REDIC1: variants seen among roughly 807,000 people sequenced by gnomAD.
REDIC1 encodes the protein regulator of DNA class I crossover intermediates 1.
At chr12:39,831,359 T>C in the REDIC1 span, among the ~76,000 whole-genome samples, 1 of 152,144 alleles carries the variant, frequency 6.6e-6, no homozygotes, top group East Asian at 1.9e-4. Context: ...CTGCTTATGT[T>C]GTCATTAAAG....
the REDIC1 span, among the ~76,000 whole-genome samples, chr12:39,732,666 A>G: frequency 6.6e-6 from 1 of 152,220 alleles, no homozygotes; most frequent in Non-Finnish European, 1.5e-5. Context: ...CAGTTTTCAA[A>G]ATAACCAGTA....
chr12:39,811,682 T>C, the REDIC1 span, among the ~76,000 whole-genome samples: 33 of 152,328 alleles, frequency 2.2e-4, no homozygotes, highest in Non-Finnish European at 3.7e-4. Flanking sequence ...TTAAGAATTG[T>C]ATGTCTTGAT....
At chr12:39,866,754 C>T in the REDIC1 span, among the ~76,000 whole-genome samples, 78,677 of 152,056 alleles carry the variant, frequency 0.52, 20,548 homozygotes, top group East Asian at 0.74. Context: ...GCTGGGATTA[C>T]AGGCGTGAGC....
chr12:39,671,281 G>A, the REDIC1 span, among the ~76,000 whole-genome samples: 6 of 152,156 alleles, frequency 3.9e-5, no homozygotes, highest in Non-Finnish European at 8.8e-5. Context: ...TGTAGTCTCT[G>A]TATAATTTCT....
At chr12:39,826,067 G>C in the REDIC1 span, among the ~76,000 whole-genome samples, 1 of 151,874 alleles carries the variant, frequency 6.6e-6, no homozygotes, top group Non-Finnish European at 1.5e-5. Flanking sequence ...TGATTATTTG[G>C]ATTTACTTAT....
chr12:39,653,524 C>T, the REDIC1 span, among the ~76,000 whole-genome samples: 4 of 57,750 alleles, frequency 6.9e-5, no homozygotes, highest in Non-Finnish European at 1.3e-4. Flanking sequence ...TCTTCTTCTT[C>T]TTCTTCTTCT....
At chr12:39,716,000 T>G in the REDIC1 span, among the ~76,000 whole-genome samples, 1 of 152,018 alleles carries the variant, frequency 6.6e-6, no homozygotes, top group South Asian at 2.1e-4. Context: ...AAGTTCTCTC[T>G]GCCTCTCAGC....
chr12:39,796,894 A>G, the REDIC1 span, among the ~76,000 whole-genome samples: 1 of 152,190 alleles, frequency 6.6e-6, no homozygotes, highest in African/African-American at 2.4e-5. Context: ...CTTATAACAC[A>G]TTTCTAGAAG....
At chr12:39,854,243 T>C in the REDIC1 span, among the ~76,000 whole-genome samples, 14 of 151,950 alleles carry the variant, frequency 9.2e-5, no homozygotes, top group Non-Finnish European at 1.9e-4. Context: ...TAAAATTGGA[T>C]AATAATAATA....
the REDIC1 span, among the ~76,000 whole-genome samples, chr12:39,769,210 A>G: frequency 6.6e-6 from 1 of 152,048 alleles, no homozygotes; most frequent in African/African-American, 2.4e-5. Context: ...CATTCCATAA[A>G]CTTTTGTCAA....
the REDIC1 span, among the ~76,000 whole-genome samples, chr12:39,712,101 CCTGT>C: frequency 2.8e-5 from 3 of 107,342 alleles, no homozygotes; most frequent in Non-Finnish European, 5.9e-5. Flanking sequence ...TACATATATA[CCTGT>C]ATATATACCT....
At chr12:39,842,791 C>A in the REDIC1 span, among the ~76,000 whole-genome samples, 1 of 151,946 alleles carries the variant, frequency 6.6e-6, no homozygotes, top group Admixed American at 6.6e-5. Context: ...TTTCATCACC[C>A]CCTGGCAACC....
At chr12:39,637,299 ATAT>A in the REDIC1 span, among the ~76,000 whole-genome samples, 257 of 152,216 alleles carry the variant, frequency 1.7e-3, 1 homozygote, top group Non-Finnish European at 2.7e-3. Context: ...ATGACAACTA[ATAT>A]TGTTCATTCA....
chr12:39,710,948 G>A, the REDIC1 span, among the ~76,000 whole-genome samples: 2 of 150,736 alleles, frequency 1.3e-5, no homozygotes, highest in Non-Finnish European at 3.0e-5. Flanking sequence ...TTCCTCACAT[G>A]AGAAAGTTCT....
At chr12:39,736,514 CA>C in the REDIC1 span, among the ~76,000 whole-genome samples, 1 of 152,176 alleles carries the variant, frequency 6.6e-6, no homozygotes, top group Non-Finnish European at 1.5e-5. Flanking sequence ...AATTTGTGAC[CA>C]AAGGTTATGT....
chr12:39,765,566 A>G, the REDIC1 span, among the ~76,000 whole-genome samples: 1 of 151,928 alleles, frequency 6.6e-6, no homozygotes, highest in African/African-American at 2.4e-5. Context: ...GTCTCCTTCA[A>G]CCTCTATCTT....
chr12:39,898,436 G>C, the REDIC1 span, among the ~76,000 whole-genome samples: 113 of 152,188 alleles, frequency 7.4e-4, no homozygotes, highest in African/African-American at 2.6e-3. Context: ...ACCAGTGTTT[G>C]TGTGTCCATT....
chr12:39,750,543 C>G, the REDIC1 span, among the ~76,000 whole-genome samples: 3 of 152,112 alleles, frequency 2.0e-5, no homozygotes, highest in African/African-American at 4.8e-5. Context: ...ACTTTCTTCA[C>G]AGAATTGGAA....
the REDIC1 span, among the ~76,000 whole-genome samples, chr12:39,637,299 A>C: frequency 6.6e-6 from 1 of 152,098 alleles, no homozygotes; most frequent in African/African-American, 2.4e-5. Flanking sequence ...ATGACAACTA[A>C]TATTGTTCAT....
Sources: gnomAD v4.1 joint callset for allele counts (sites outside exome capture counted in the v4.1 genomes callset) on GRCh38, gnomAD v4.1.1 for gene constraint, MANE v1.5 for transcripts, NCBI Gene and HGNC (gene_info 2026-07-23, HGNC 2026-07-21) for gene names.